The following CELF5 variants were observed in gnomAD, a reference collection of about 807,000 sequenced individuals.
The protein encoded by CELF5 is CUGBP Elav-like family member 5.
In CELF5, 6 loss-of-function variants were observed where a neutral mutation model predicts 54.9. That is an observed-to-expected ratio of 0.11 (90% confidence interval 0.06 to 0.22). The LOEUF (loss-of-function observed/expected upper bound fraction) is 0.22, where lower values mean the gene tolerates loss of function less well. Ranked by LOEUF, CELF5 falls within the 10% of genes least tolerant of loss-of-function variation. The pLI is 1.00. For missense variants in CELF5, 401 were observed against 678.6 expected, an observed-to-expected ratio of 0.59 and a Z score of 4.54; for synonymous variants, 271 against 290.9, an observed-to-expected ratio of 0.93 and a Z score of 0.70.
chr19:3,286,060 C>A, intron 10 of CELF5, 35 bp downstream of exon 10: 1 of 1,503,912 alleles, frequency 6.6e-7, no homozygotes. Context: ...GGCGCCAGCC[C>A]CGCCCTCTGC....
At chr19:3,267,104 T>C (rs1159641080) in intron 2 of CELF5, among the ~76,000 whole-genome samples, 3 of 151,300 alleles carry the variant, frequency 2.0e-5, no homozygotes, top group African/African-American at 7.4e-5. Flanking sequence ...TGTGTGTGTG[T>C]GTGCGTGTGC....
chr19:3,257,382 T>A (rs2079742744), intron 2 of CELF5, among the ~76,000 whole-genome samples: 1 of 152,106 alleles, frequency 6.6e-6, no homozygotes, highest in African/African-American at 2.4e-5. Context: ...GTGAGCAGCT[T>A]GAATTTTGTT....
intron 1 of CELF5, among the ~76,000 whole-genome samples, chr19:3,243,155 T>G (rs2079515290): frequency 6.6e-6 from 1 of 152,122 alleles, no homozygotes; most frequent in South Asian, 2.1e-4. Context: ...TATTCTTTTC[T>G]TTTTCAGTTT....
intron 1 of CELF5, chr19:3,225,519 C>A: frequency 1.1e-6 from 1 of 924,142 alleles, no homozygotes; most frequent in Non-Finnish European, 1.3e-6. Flanking sequence ...GGGAAGTTTG[C>A]ACCTGCGGAC....
Position 3,278,376 on chromosome 19 carries a change from G to C in CELF5, c.603+266G>C, listed in dbSNP as rs979486100. ...GATGTATTACAAGTGTGTGCGTGTG[G>C]GTGAGTGTGCATGTCTGGGTGTGAG... On this transcript the variant is annotated intron_variant, in intron 5 of 12. Transcript: ENST00000292672. The surrounding 1 kb of genome is among the most constrained non-coding windows in gnomAD (Gnocchi z 4.5). 6.6e-6 allele frequency among the ~76,000 whole-genome samples: 1 copy of C among 151,868 alleles called. No homozygotes were observed. The highest frequency in any genetic ancestry group is 2.4e-5 in the African/African-American group (1 of 41,332).
At chr19:3,225,742 A>G (rs1024472204) in intron 1 of CELF5, 21 of 208,962 alleles carry the variant, frequency 1.0e-4, no homozygotes, top group African/African-American at 4.6e-4. Flanking sequence ...CTCCGCGTGG[A>G]TCAGCATTCT....
chr19:3,264,698 G>A (rs1184481536), intron 2 of CELF5, among the ~76,000 whole-genome samples: 4 of 145,796 alleles, frequency 2.7e-5, no homozygotes, highest in African/African-American at 5.1e-5. Flanking sequence ...TTACAGGCGT[G>A]AGCCACCACA....
rs1420928262 is a variant in CELF5, at chr19:3,282,216, GGCGCCGTCA to G, written c.844_852del (p.Ala282_Ser284del). On this transcript the variant is annotated inframe_deletion, in exon 7 of 13. Transcript: ENST00000292672. The surrounding 1 kb of genome is among the most constrained non-coding windows in gnomAD (Gnocchi z 5.2). ...CTCACCCTGTCACATCCAGCAGATA[GGCGCCGTCA>G]GCCTCAACGGGCTGCCTGCCACACC... 1.9e-6 allele frequency: 3 copies of G among 1,613,710 alleles called. No individual in the cohort carries two copies. The African/African-American group carries it at 4.0e-5, about 22-fold the overall frequency.
In CELF5 at chr19:3,230,201, T is replaced by G. The variant is rs1016040921; in HGVS notation, c.259+5203T>G. Among the ~76,000 whole-genome samples the G allele has an allele frequency of 7.2e-5, 11 of 152,278 alleles. No individual in the cohort carries two copies. In the East Asian group the frequency reaches 2.1e-3, roughly 29 times the overall value. ...GGCCAGAGCTAGACATTGGCACCTA[T>G]AGTCCAGTGGTCTGGCTTGGGTCAG... On this transcript the variant is annotated intron_variant, in intron 1 of 12. Transcript: ENST00000292672.
chr19:3,276,455 G>C (rs1394996394), intron 4 of CELF5, among the ~76,000 whole-genome samples: 2 of 149,510 alleles, frequency 1.3e-5, no homozygotes, highest in African/African-American at 4.9e-5. Flanking sequence ...GAAATACGTA[G>C]AGTTAGGAGG....
rs1917058391 is a variant in CELF5 at position 3,228,573 on chromosome 19, T to TATTTGTCTTAAAGCGGAGGTTGC, written c.259+3576_259+3598dup. 2.0e-5 allele frequency among the ~76,000 whole-genome samples: 3 copies of TATTTGTCTTAAAGCGGAGGTTGC among 151,144 alleles called. No individual in the cohort carries two copies. The highest frequency in any genetic ancestry group is 7.3e-5 in the African/African-American group (3 of 41,104). On this transcript the variant is annotated intron_variant, in intron 1 of 12. Coordinates refer to ENST00000292672, the MANE Select transcript of CELF5 (RefSeq NM_021938.4). The surrounding 1 kb of genome is among the most constrained non-coding windows in gnomAD (Gnocchi z 6.0). ...ATATACATTTGCATGTTAATGACAA[T>TATTTGTCTTAAAGCGGAGGTTGC]ATTTGTCTTAAAGCGGAGGTTGCGC... is the stretch of plus-strand genomic sequence containing the variant.
At chr19:3,237,663 A>C (rs1470999195) in intron 1 of CELF5, among the ~76,000 whole-genome samples, 1 of 152,072 alleles carries the variant, frequency 6.6e-6, no homozygotes, top group Non-Finnish European at 1.5e-5. Context: ...TTGGCAGCTT[A>C]TTTACCACAT....
At chr19:3,236,709 G>T (rs547116185) in intron 1 of CELF5, among the ~76,000 whole-genome samples, 4 of 152,162 alleles carry the variant, frequency 2.6e-5, no homozygotes, top group Non-Finnish European at 4.4e-5. Flanking sequence ...TCTAGGCCAG[G>T]CGCGATGGCT....
Position 3,228,927 on chromosome 19 carries a change from C to T in CELF5, c.259+3929C>T, listed in dbSNP as rs1917111759. ...GTGTGTGTGTGTGTACGCGGGCGCG[C>T]GCCTGGGAAGGACTCCTGCCGGGGT... On this transcript the variant is annotated intron_variant, in intron 1 of 12. Transcript: ENST00000292672. This position sits in a 1 kb window ranked among gnomAD's most constrained non-coding sequence, Gnocchi z 6.0. Among the ~76,000 whole-genome samples the T allele has an allele frequency of 2.0e-5, 3 of 151,194 alleles. No homozygotes were observed. Among genetic ancestry groups the T allele is most frequent in the Non-Finnish European group, 3.0e-5 (2 of 67,762 alleles).
intron 1 of CELF5, among the ~76,000 whole-genome samples, chr19:3,229,365 C>T (rs1917136623): frequency 6.6e-6 from 1 of 152,156 alleles, no homozygotes; most frequent in African/African-American, 2.4e-5. Flanking sequence ...CACCAGATTC[C>T]AGTTTAGGGG....
intron 2 of CELF5, among the ~76,000 whole-genome samples, chr19:3,258,323 T>C (rs1034215359): frequency 2.6e-5 from 4 of 151,874 alleles, no homozygotes; most frequent in Non-Finnish European, 5.9e-5. Flanking sequence ...GGTTTTCCTA[T>C]GTTGCCCAGG....
intron 4 of CELF5, among the ~76,000 whole-genome samples, chr19:3,276,631 C>T (rs1351695621): frequency 7.2e-6 from 1 of 138,358 alleles, no homozygotes; most frequent in Non-Finnish European, 1.7e-5. Context: ...TTGATCCTAC[C>T]TGCATGCTCT....
At chr19:3,250,885 A>G (rs1386356657) in intron 1 of CELF5, 100 bp from the exon 2 acceptor site, 2 of 735,904 alleles carry the variant, frequency 2.7e-6, no homozygotes, top group African/African-American at 1.7e-5. Flanking sequence ...CTGTGGATGG[A>G]AGCTTGGGTT....
chr19:3,242,721 G>A (rs945228055), intron 1 of CELF5, among the ~76,000 whole-genome samples: 14 of 152,030 alleles, frequency 9.2e-5, no homozygotes, highest in African/African-American at 3.4e-4. Context: ...CAGGAGAATC[G>A]CTTGAACTTG....
Sources: gnomAD v4.1 joint callset for allele counts (sites outside exome capture counted in the v4.1 genomes callset) on GRCh38, gnomAD v4.1.1 for gene constraint, Gnocchi (gnomAD v3.1) non-coding constraint, MANE v1.5 for transcripts, NCBI Gene and HGNC (gene_info 2026-07-23, HGNC 2026-07-21) for gene names.